Variants in NRG1 observed in about 807,000 individuals in gnomAD.
NRG1 encodes pro-neuregulin-1, membrane-bound isoform.
Under a neutral mutation model 63.8 loss-of-function variants are expected in NRG1, and 18 were observed. That is an observed-to-expected ratio of 0.28 (90% confidence interval 0.19 to 0.42). The LOEUF is 0.42. NRG1 is among the 10% of genes least tolerant of loss of function. The probability of loss-of-function intolerance (pLI) is 1.00; values close to 1 mark genes in which losing one functional copy is unlikely to be tolerated. For synonymous variants in NRG1, 302 were observed against 301.3 expected (o/e 1.00, Z -0.02); for missense variants, 762 against 814.7 (o/e 0.94, Z 0.79).
At chr8:31,696,531 C>A (rs1038549692) in intron 1 of NRG1, among the ~76,000 whole-genome samples, 6 of 152,134 alleles carry the variant, frequency 3.9e-5, no homozygotes, top group Non-Finnish European at 7.3e-5. Flanking sequence ...AAGTGTCAGA[C>A]CTTACACAGT....
chr8:32,581,437 T>C (rs1310049351), intron 1 of NRG1, among the ~76,000 whole-genome samples: 2 of 152,198 alleles, frequency 1.3e-5, no homozygotes, highest in African/African-American at 4.8e-5. Context: ...GCTCACTTGA[T>C]ATGGAGTGTT....
At chr8:31,817,850 G>C (rs1016958782) in intron 1 of NRG1, among the ~76,000 whole-genome samples, 1 of 152,182 alleles carries the variant, frequency 6.6e-6, no homozygotes, top group African/African-American at 2.4e-5. Context: ...TAAGATATTA[G>C]AGAACTTTTG....
At chr8:32,075,225 A>G (rs1295719714) in intron 1 of NRG1, among the ~76,000 whole-genome samples, 4 of 152,196 alleles carry the variant, frequency 2.6e-5, no homozygotes, top group Non-Finnish European at 4.4e-5. Flanking sequence ...TATGCCTCCA[A>G]AATATACACT....
At chr8:32,448,639 C>CA (rs1820570628) in intron 1 of NRG1, among the ~76,000 whole-genome samples, 1 of 151,976 alleles carries the variant, frequency 6.6e-6, no homozygotes, top group East Asian at 1.9e-4. Flanking sequence ...AGATGAAAAC[C>CA]AAGCTCACCC....
At chr8:31,958,044 C>CAGATAGATAGAT (rs59793665) in intron 1 of NRG1, among the ~76,000 whole-genome samples, 47,691 of 145,548 alleles carry the variant, frequency 0.33, 7,986 homozygotes, top group Admixed American at 0.36. Flanking sequence ...CAGTAGAGAC[C>CAGATAGATAGAT]AGATAGATAG....
At chr8:32,010,136 TC>T (rs1233001603) in intron 1 of NRG1, among the ~76,000 whole-genome samples, 11 of 152,036 alleles carry the variant, frequency 7.2e-5, no homozygotes, top group Admixed American at 6.6e-5. Context: ...ATAGCTTGCG[TC>T]TTATTCTTAA....
At chr8:32,483,989 G>T (rs1184998493) in intron 1 of NRG1, among the ~76,000 whole-genome samples, 1 of 152,082 alleles carries the variant, frequency 6.6e-6, no homozygotes, top group Non-Finnish European at 1.5e-5. Context: ...TGCAGTCCCA[G>T]CTACTAGGGA....
intron 1 of NRG1, among the ~76,000 whole-genome samples, chr8:31,916,073 A>G (rs1293211047): frequency 6.6e-6 from 1 of 152,112 alleles, no homozygotes; most frequent in Non-Finnish European, 1.5e-5. Flanking sequence ...TTCTTCTAAT[A>G]TTTTGATATC....
At chr8:32,688,577 G>T (rs547796575) in intron 5 of NRG1, among the ~76,000 whole-genome samples, 1 of 151,910 alleles carries the variant, frequency 6.6e-6, no homozygotes, top group Non-Finnish European at 1.5e-5. Context: ...CATGCAGTAC[G>T]TGCACAATAA....
At chr8:31,715,270 CA>C (rs1375022791) in intron 1 of NRG1, among the ~76,000 whole-genome samples, 2 of 151,800 alleles carry the variant, frequency 1.3e-5, no homozygotes, top group Admixed American at 1.3e-4. Context: ...GTTTCTTTGA[CA>C]AAAAGGTGCA....
At chr8:32,227,679 T>A (rs1312659876) in intron 1 of NRG1, among the ~76,000 whole-genome samples, 1 of 152,178 alleles carries the variant, frequency 6.6e-6, no homozygotes. Context: ...CTGAGCACCC[T>A]GAATCATTAA....
At chr8:32,432,359 A>C (rs557776624) in intron 1 of NRG1, among the ~76,000 whole-genome samples, 1 of 152,300 alleles carries the variant, frequency 6.6e-6, no homozygotes, top group African/African-American at 2.4e-5. Context: ...GACATTACTA[A>C]TTATCTCCCT....
intron 1 of NRG1, among the ~76,000 whole-genome samples, chr8:32,156,575 T>C (rs889162769): frequency 2.0e-5 from 3 of 152,172 alleles, no homozygotes; most frequent in African/African-American, 4.8e-5. Flanking sequence ...AAAGAAAGAA[T>C]AGAAGTGCCT....
At chr8:31,650,292 T>C (rs1355497359) in intron 1 of NRG1, among the ~76,000 whole-genome samples, 1 of 152,222 alleles carries the variant, frequency 6.6e-6, no homozygotes, top group Non-Finnish European at 1.5e-5. Flanking sequence ...ATGCTACTTT[T>C]CTTAGGCCTT....
At chr8:32,508,831 G>T (rs1185865957) in intron 1 of NRG1, among the ~76,000 whole-genome samples, 1 of 151,890 alleles carries the variant, frequency 6.6e-6, no homozygotes, top group African/African-American at 2.4e-5. Flanking sequence ...TACCTCCCAG[G>T]TTCAAGCAAT....
At chr8:31,933,416 G>T (rs565035990) in intron 1 of NRG1, among the ~76,000 whole-genome samples, 1 of 152,166 alleles carries the variant, frequency 6.6e-6, no homozygotes, top group African/African-American at 2.4e-5. Context: ...GAGTAGCTGG[G>T]ATTACAGGCG....
intron 1 of NRG1, among the ~76,000 whole-genome samples, chr8:31,955,936 G>C (rs1333113631): frequency 6.6e-6 from 1 of 151,084 alleles, no homozygotes; most frequent in Non-Finnish European, 1.5e-5. Context: ...AGCTACCAGG[G>C]AGGCTGAGGT....
chr8:32,403,700 C>T (rs1049446022), intron 1 of NRG1, among the ~76,000 whole-genome samples: 3 of 152,122 alleles, frequency 2.0e-5, no homozygotes, highest in Admixed American at 2.0e-4. Flanking sequence ...GGAAAATTTA[C>T]ACTTAAGTGG....
At chr8:31,921,359 C>T (rs113832025) in intron 1 of NRG1, among the ~76,000 whole-genome samples, 5,022 of 152,126 alleles carry the variant, frequency 0.033, 270 homozygotes, top group African/African-American at 0.12. Flanking sequence ...GTTCATGAAG[C>T]GCTACAGCCT....
Sources: allele counts gnomAD v4.1 joint callset (sites outside exome capture counted in the v4.1 genomes callset), GRCh38; gene constraint gnomAD v4.1.1; transcripts MANE v1.5; gene names NCBI Gene and HGNC (gene_info 2026-07-23, HGNC 2026-07-21).